The following ELAVL3 variants were observed in gnomAD, a reference collection of about 807,000 sequenced individuals.
ELAVL3 encodes the protein ELAV like RNA binding protein 3.
Under a neutral mutation model 34.2 loss-of-function variants are expected in ELAVL3, and 8 were observed. The ratio of observed to expected loss-of-function variants is 0.23; its 90% CI spans 0.14 to 0.42. ELAVL3 has a LOEUF of 0.42. ELAVL3 is among the 10% of genes least tolerant of loss of function. The probability of loss-of-function intolerance (pLI) is 1.00; values close to 1 mark genes in which losing one functional copy is unlikely to be tolerated. For missense variants in ELAVL3, 273 were observed against 518.8 expected, an observed-to-expected ratio of 0.53 and a Z score of 4.60; for synonymous variants, 209 against 222.1, an observed-to-expected ratio of 0.94 and a Z score of 0.53.
chr19:11,456,339 C>T (rs1385214852), intron 6 of ELAVL3, among the ~76,000 whole-genome samples: 1 of 151,726 alleles, frequency 6.6e-6, no homozygotes, highest in Non-Finnish European at 1.5e-5. Flanking sequence ...CTCCTGACCT[C>T]GTGATCCGCC....
chr19:11,459,289 AT>A (rs918142723), intron 3 of ELAVL3, among the ~76,000 whole-genome samples: 17 of 149,222 alleles, frequency 1.1e-4, no homozygotes, highest in African/African-American at 3.4e-4. Context: ...CGCCTAGCTA[AT>A]TTTTTTTTTA....
intron 1 of ELAVL3, among the ~76,000 whole-genome samples, chr19:11,476,773 C>A: frequency 6.6e-6 from 1 of 152,030 alleles, no homozygotes; most frequent in East Asian, 1.9e-4. Context: ...GTGGTGGGCA[C>A]CTGTAATCTC....
At chr19:11,468,469 C>T (rs1323952849) in intron 1 of ELAVL3, among the ~76,000 whole-genome samples, 1 of 150,196 alleles carries the variant, frequency 6.7e-6, no homozygotes, top group African/African-American at 2.5e-5. Context: ...GGCTGGGGTG[C>T]AATGGCACGA....
intron 1 of ELAVL3, among the ~76,000 whole-genome samples, chr19:11,470,047 A>T (rs1384115446): frequency 6.6e-6 from 1 of 152,038 alleles, no homozygotes; most frequent in African/African-American, 2.4e-5. Flanking sequence ...ACCGAGTGAG[A>T]CCCTGTCTCA....
rs1012244112 is a variant in ELAVL3 at position 11,451,467 on chromosome 19, T to G, written c.*3059A>C. 2.0e-5 allele frequency: 3 copies of G among 151,306 alleles called. No homozygotes were observed. The highest frequency in any genetic ancestry group is 2.1e-4 in the South Asian group (1 of 4,820). The allele number at this position is 151,306 out of a possible 1,614,324, so 9.4% of individuals were successfully genotyped here. A position where few individuals can be genotyped will look rare whatever the true frequency, so the allele number is the denominator to read the frequency against. ...AACGCGAAGTGTTCTTGTTGGGTTT[T>G]TTTTTTTTTTTTGTCTTTTGTTTTG... On this transcript the variant is annotated 3_prime_UTR_variant, in exon 7 of 7. Transcript: ENST00000359227.
In ELAVL3 at chr19:11,454,957, C is replaced by T; in HGVS notation, c.753-80G>A. 2 of 1,439,326 alleles carry T rather than the reference C, an allele frequency of 1.4e-6. No homozygotes were observed. The highest frequency in any genetic ancestry group is 2.3e-5 in the East Asian group (1 of 43,716). 89.2% of individuals were successfully genotyped at this position (1,439,326 alleles called of 1,614,324 possible). The stretch of plus-strand genomic sequence containing the variant: ...GTTGTGACCCTTCACACCTTTATGA[C>T]CCCTGACTGTGCCATGACCTTGGAA... On this transcript the variant is annotated intron_variant, in intron 6 of 6. Coordinates refer to ENST00000359227, the MANE Select transcript of ELAVL3 (RefSeq NM_001420.4). This position sits in a 1 kb window ranked among gnomAD's most constrained non-coding sequence, Gnocchi z 9.2.
chr19:11,456,818 C>T (rs747131305), intron 6 of ELAVL3, among the ~76,000 whole-genome samples: 5 of 152,182 alleles, frequency 3.3e-5, no homozygotes, highest in South Asian at 2.1e-4. Context: ...CATGCACCAC[C>T]GTATCAGGCT....
At chr19:11,467,065 T>C (rs1271640661) in intron 1 of ELAVL3, among the ~76,000 whole-genome samples, 4 of 152,172 alleles carry the variant, frequency 2.6e-5, no homozygotes, top group Admixed American at 1.3e-4. Context: ...ATGACTACTA[T>C]ATACGCAAAC....
chr19:11,465,002 CACACACATACAT>C (rs1971003751), intron 3 of ELAVL3, among the ~76,000 whole-genome samples: 1 of 129,902 alleles, frequency 7.7e-6, no homozygotes. Context: ...CCACACACCA[CACACACATACAT>C]ACACATACAC....
chr19:11,458,426 C>T lies in ELAVL3; in HGVS notation c.487+32G>A, dbSNP rs746004182. 4 of 1,613,366 alleles carry T rather than the reference C, an allele frequency of 2.5e-6. No homozygotes were observed. The highest frequency in any genetic ancestry group is 2.2e-5 in the East Asian group (1 of 44,860). Reference sequence around the variant, plus strand: ...CACCTGACTGCCTTTGCCCAGCGCCCCCGCCAGGTGCACCCTCCCTGACTG... The same window carrying T: ...CACCTGACTGCCTTTGCCCAGCGCCTCCGCCAGGTGCACCCTCCCTGACTG... On this transcript the variant is annotated intron_variant, in intron 4 of 6. Coordinates refer to ENST00000359227, the MANE Select transcript of ELAVL3 (RefSeq NM_001420.4). This position sits in a 1 kb window ranked among gnomAD's most constrained non-coding sequence, Gnocchi z 7.3.
intron 5 of ELAVL3, among the ~76,000 whole-genome samples, 187 bp downstream of exon 5, chr19:11,457,874 G>A (rs758669396): frequency 1.3e-5 from 2 of 152,212 alleles, no homozygotes; most frequent in Admixed American, 6.5e-5. Context: ...GCCAATCGTC[G>A]CGGCCAGCAC....
chr19:11,463,747 GGATCAC>G (rs1970939985), intron 3 of ELAVL3, among the ~76,000 whole-genome samples: 1 of 152,032 alleles, frequency 6.6e-6, no homozygotes, highest in African/African-American at 2.4e-5. Context: ...TGAGGTGGGT[GGATCAC>G]GAGGTCAGGA....
intron 3 of ELAVL3, among the ~76,000 whole-genome samples, chr19:11,459,366 C>T (rs1050600081): frequency 6.6e-6 from 1 of 152,004 alleles, no homozygotes; most frequent in Non-Finnish European, 1.5e-5. Flanking sequence ...ACCTCTTGAC[C>T]TTGTGATCCG....
chr19:11,480,716 G>T lies in ELAVL3; in HGVS notation c.-108C>A. The T allele has an allele frequency of 9.0e-7, 1 of 1,116,280 alleles. No individual in the cohort carries two copies. Among genetic ancestry groups the T allele is most frequent in the Non-Finnish European group, 1.2e-6 (1 of 837,616 alleles). 69.1% of individuals were successfully genotyped at this position (1,116,280 alleles called of 1,614,324 possible). ...CTGGGGTCCCGCCCGGGCGGCCTCT[G>T]GTGCGGCCGCTGCAGATGTGGCGAT... On this transcript the variant is annotated 5_prime_UTR_variant, in exon 1 of 7. Transcript: ENST00000359227. The surrounding 1 kb of genome is among the most constrained non-coding windows in gnomAD (Gnocchi z 6.8).
intron 3 of ELAVL3, among the ~76,000 whole-genome samples, chr19:11,460,748 T>C (rs1389211057): frequency 6.6e-6 from 1 of 152,056 alleles, no homozygotes; most frequent in Non-Finnish European, 1.5e-5. Context: ...CCTATTACTC[T>C]TTCTCAAAGC....
chr19:11,451,372 TAAAC>T lies in ELAVL3; in HGVS notation c.*3150_*3153del, dbSNP rs1970619291. On this transcript the variant is annotated 3_prime_UTR_variant, in exon 7 of 7. Coordinates refer to ENST00000359227, the MANE Select transcript of ELAVL3 (RefSeq NM_001420.4). ...TTCTGGCATGAAAAGTACAAATAAT[TAAAC>T]AATTCCATGTAAAAGTCTGTTACCG... 2 of 152,038 alleles carry T rather than the reference TAAAC, an allele frequency of 1.3e-5. No individual in the cohort carries two copies. The highest frequency in any genetic ancestry group is 2.9e-5 in the Non-Finnish European group (2 of 68,018). The allele number at this position is 152,038 out of a possible 1,614,324, so 9.4% of individuals were successfully genotyped here.
At position 11,480,284 on chromosome 19, in the gene ELAVL3, A is replaced by C; in HGVS notation, c.9+316T>G. 1.6e-5 allele frequency: 5 copies of C among 313,898 alleles called. No homozygotes were observed. The highest frequency in any genetic ancestry group is 2.9e-5 in the Non-Finnish European group (5 of 171,550). The allele number at this position is 313,898 out of a possible 1,614,324, so 19.4% of individuals were successfully genotyped here. A position where few individuals can be genotyped will look rare whatever the true frequency, so the allele number is the denominator to read the frequency against. ...GCGGGGTCTGGGCCTGGATGGAGGA[A>C]GCATCCTTAGCCGCCGCGGCCCCTC... On this transcript the variant is annotated intron_variant, in intron 1 of 6. Transcript: ENST00000359227. This position sits in a 1 kb window ranked among gnomAD's most constrained non-coding sequence, Gnocchi z 6.8.
intron 3 of ELAVL3, among the ~76,000 whole-genome samples, chr19:11,463,154 G>A (rs549007333): frequency 6.6e-6 from 1 of 152,230 alleles, no homozygotes; most frequent in Admixed American, 6.6e-5. Flanking sequence ...AGACACAGAG[G>A]AGGTTTTCAC....
intron 3 of ELAVL3, among the ~76,000 whole-genome samples, chr19:11,465,056 T>TGC (rs1274763950): frequency 7.1e-5 from 3 of 42,548 alleles, no homozygotes; most frequent in African/African-American, 9.3e-5. Context: ...CATACACACA[T>TGC]ACACACATCC....
Sources: gnomAD v4.1 joint callset for allele counts (sites outside exome capture counted in the v4.1 genomes callset) on GRCh38, gnomAD v4.1.1 for gene constraint, Gnocchi (gnomAD v3.1) non-coding constraint, MANE v1.5 for transcripts, NCBI Gene and HGNC (gene_info 2026-07-23, HGNC 2026-07-21) for gene names.